Variants in ZNF705A observed in about 807,000 individuals in gnomAD.
ZNF705A encodes zinc finger protein 705A.
In ZNF705A, 8 loss-of-function variants were observed where a neutral mutation model predicts 16.6. The observed-to-expected ratio is 0.48, with a 90% confidence interval of 0.28 to 0.87. The LOEUF is 0.87. ZNF705A is among the 40% of genes least tolerant of loss of function. The probability of loss-of-function intolerance (pLI) is 0.10; values close to 1 mark genes in which losing one functional copy is unlikely to be tolerated. For missense variants in ZNF705A, 233 were observed against 359.9 expected (o/e 0.65, Z 2.85); for synonymous variants, 73 against 117.3 (o/e 0.62, Z 2.44).
chr12:8,172,377 G>A (rs1317933260), upstream of ZNF705A, among the ~76,000 whole-genome samples: 1 of 151,896 alleles, frequency 6.6e-6, no homozygotes, highest in East Asian at 1.9e-4. Context: ...AGCAACCATA[G>A]TCATAGGCTT....
chr12:8,165,835 G>C, intron 1 of ZNF705A, among the ~76,000 whole-genome samples: 4 of 152,026 alleles, frequency 2.6e-5, no homozygotes, highest in Admixed American at 6.6e-5. Context: ...ATCTATGTTG[G>C]TGCAAAGGAC....
intron 1 of ZNF705A, among the ~76,000 whole-genome samples, chr12:8,166,405 C>T (rs747620680): frequency 3.9e-5 from 6 of 152,290 alleles, no homozygotes; most frequent in South Asian, 2.1e-4. Context: ...GACCCAGTGG[C>T]GATAACTGAA....
chr12:8,177,270 A>G (rs756426272), exon 5 of ZNF705A: 16 of 1,611,640 alleles, frequency 9.9e-6, no homozygotes. Context: ...CACACTGGAG[A>G]GAGGCCATAT....
intron 1 of ZNF705A, among the ~76,000 whole-genome samples, chr12:8,173,800 G>A (rs1448735661): frequency 1.3e-5 from 2 of 152,094 alleles, no homozygotes; most frequent in African/African-American, 4.8e-5. Context: ...ATAAATATTT[G>A]CTAGATAGGA....
intron 1 of ZNF705A, among the ~76,000 whole-genome samples, chr12:8,157,982 T>G (rs1269169188): frequency 6.6e-6 from 1 of 152,110 alleles, no homozygotes; most frequent in Admixed American, 6.6e-5. Flanking sequence ...GGAATTCTCA[T>G]TGGTTCACAG....
At position 8,164,175 on chromosome 12, in the gene ZNF705A, C is replaced by T. The variant is rs750462130; in HGVS notation, c.-72+7083C>T. Among the ~76,000 whole-genome samples the T allele has an allele frequency of 2.2e-3, 337 of 152,236 alleles. 1 individual carries two copies. Among genetic ancestry groups the T allele is most frequent in the African/African-American group, 7.3e-3 (304 of 41,526 alleles). ...TTAGCTGTAAGCACTATGCTGTAAA[C>T]GAGACCTCCAGAACTTACTTACGTG... On this transcript the variant is annotated intron_variant, in intron 1 of 5. Coordinates refer to the ZNF705A transcript ENST00000396570.
chr12:8,177,164 C>T, exon 5 of ZNF705A: 1 of 1,611,994 alleles, frequency 6.2e-7, no homozygotes, highest in South Asian at 1.1e-5. Flanking sequence ...CCCTAAACCA[C>T]ATAAACAAAT....
At chr12:8,178,528 C>T (rs1856175365) in exon 5 of ZNF705A, 2 of 152,338 alleles carry the variant, frequency 1.3e-5, no homozygotes, top group Admixed American at 1.3e-4. Context: ...ATAGATTTCT[C>T]ATCAGAAAAG....
upstream of ZNF705A, among the ~76,000 whole-genome samples, chr12:8,168,261 CA>C (rs776144103): frequency 2.0e-4 from 30 of 152,148 alleles, no homozygotes; most frequent in Admixed American, 6.5e-5. Flanking sequence ...GCCTAATTAT[CA>C]TTTTTAGAGA....
chr12:8,166,437 T>C, intron 1 of ZNF705A, among the ~76,000 whole-genome samples: 1 of 152,204 alleles, frequency 6.6e-6, no homozygotes, highest in South Asian at 2.1e-4. Context: ...GTTTTTCCCA[T>C]GCTGTTCTCG....
At chr12:8,158,868 T>A (rs1208620361) in intron 1 of ZNF705A, among the ~76,000 whole-genome samples, 1 of 152,112 alleles carries the variant, frequency 6.6e-6, no homozygotes, top group Non-Finnish European at 1.5e-5. Context: ...TTTGGGTACA[T>A]AAGTAAGTTC....
exon 5 of ZNF705A, chr12:8,177,190 A>G (rs1281330258): frequency 3.7e-6 from 6 of 1,612,000 alleles, no homozygotes; most frequent in South Asian, 1.1e-5. Flanking sequence ...CTAAAGGTAA[A>G]TCATATCAAT....
chr12:8,158,790 T>C (rs768378633), intron 1 of ZNF705A, among the ~76,000 whole-genome samples: 52 of 152,228 alleles, frequency 3.4e-4, no homozygotes, highest in African/African-American at 1.2e-3. Flanking sequence ...CCTGACTACT[T>C]TTAAGATTTT....
intron 4 of ZNF705A, among the ~76,000 whole-genome samples, chr12:8,176,278 A>G (rs7965442): frequency 0.45 from 67,956 of 152,036 alleles, 16,451 homozygotes; most frequent in Non-Finnish European, 0.56. Flanking sequence ...GCAAATGTCA[A>G]TCGAGAAAAA....
chr12:8,177,210 G>A (rs1193975189), exon 5 of ZNF705A: 3 of 1,611,852 alleles, frequency 1.9e-6, no homozygotes, highest in East Asian at 2.2e-5. Context: ...TGTAATCTAT[G>A]TGAAAAGGCC....
At chr12:8,162,504 A>G (rs1948364049) in intron 1 of ZNF705A, among the ~76,000 whole-genome samples, 2 of 152,150 alleles carry the variant, frequency 1.3e-5, no homozygotes, top group African/African-American at 4.8e-5. Flanking sequence ...GCAGTTGTTC[A>G]TGTTCCAGGT....
chr12:8,158,673 G>A (rs1039771079), intron 1 of ZNF705A, among the ~76,000 whole-genome samples: 25 of 151,954 alleles, frequency 1.6e-4, no homozygotes, highest in East Asian at 1.5e-3. Flanking sequence ...AAATTGATGC[G>A]TCAAATGGCA....
chr12:8,165,283 T>G lies in ZNF705A; in HGVS notation c.-71-7272T>G, dbSNP rs1043895183. ...GTCTACTCAGATCTTTGCCCATTTTTTTTTTTTTTTTTTTTTTGAGATGGA... is the reference window on the plus strand; with the variant it reads ...GTCTACTCAGATCTTTGCCCATTTTGTTTTTTTTTTTTTTTTTGAGATGGA... On this transcript the variant is annotated intron_variant, in intron 1 of 5. Transcript: ENST00000396570. 1.5e-4 allele frequency among the ~76,000 whole-genome samples: 20 copies of G among 132,936 alleles called. 1 individual carries two copies. In the Middle Eastern group the frequency reaches 0.014, roughly 96 times the overall value. 87.2% of individuals were successfully genotyped at this position (132,936 alleles called of 152,430 possible).
At chr12:8,161,210 T>C (rs1370189255) in intron 1 of ZNF705A, among the ~76,000 whole-genome samples, 3 of 152,134 alleles carry the variant, frequency 2.0e-5, no homozygotes, top group Admixed American at 6.6e-5. Context: ...TTAGCTAGTA[T>C]GTTGTTAAGG....
Sources: allele counts gnomAD v4.1 joint callset (sites outside exome capture counted in the v4.1 genomes callset), GRCh38; gene constraint gnomAD v4.1.1; transcripts MANE v1.5; gene names NCBI Gene and HGNC (gene_info 2026-07-23, HGNC 2026-07-21).